PEX11G: variants seen among roughly 807,000 people sequenced by gnomAD.
PEX11G encodes peroxisomal membrane protein 11C.
In PEX11G, 20 loss-of-function variants were observed where a neutral mutation model predicts 22.5. That is an observed-to-expected ratio of 0.89 (90% CI 0.62 to 1.29). The LOEUF is 1.29. Ranked by LOEUF, PEX11G falls within the 50% of genes most tolerant of loss-of-function variation. The pLI is 0.00. For missense variants in PEX11G, 347 were observed against 331.3 expected (o/e 1.05, Z -0.37); for synonymous variants, 141 against 154.5 (o/e 0.91, Z 0.65).
chr19:7,486,116 T>C (rs994061982), intron 1 of PEX11G, 90 bp from the exon 2 acceptor site: 75 of 1,147,734 alleles, frequency 6.5e-5, no homozygotes, highest in South Asian at 6.5e-4. Flanking sequence ...CCCCGCTGGA[T>C]TGAGAGTGTG....
intron 2 of PEX11G, chr19:7,483,279 A>C (rs1246206951): frequency 9.9e-5 from 15 of 151,370 alleles, no homozygotes; most frequent in Admixed American, 9.9e-4. Flanking sequence ...CGGGCTCTGA[A>C]CCTCACTCCA....
upstream of PEX11G, among the ~76,000 whole-genome samples, chr19:7,490,167 T>A (rs555788095): frequency 6.6e-6 from 1 of 151,948 alleles, no homozygotes; most frequent in East Asian, 1.9e-4. Flanking sequence ...CTCAATGTCC[T>A]TTTCCTTCGT....
chr19:7,482,761 C>T (rs1444241963), intron 2 of PEX11G, among the ~76,000 whole-genome samples: 1 of 152,232 alleles, frequency 6.6e-6, no homozygotes, highest in Non-Finnish European at 1.5e-5. Context: ...CCACTGCTGA[C>T]CACGCGCCAG....
In PEX11G at chr19:7,482,087, C is replaced by A. The variant is rs1176177145; in HGVS notation, c.374G>T (p.Trp125Leu). 6.2e-7 allele frequency: 1 copy of A among 1,606,268 alleles called. No homozygotes were observed. The highest frequency in any genetic ancestry group is 8.5e-7 in the Non-Finnish European group (1 of 1,177,322). ...CCACAGGGTTGTACTCAGCGTCCAC[C>A]ACCGAGAAGAGTCCACGTGGAGGAC... Reference protein sequence around the residue: ...ARVLHVDSSRWWTLSTTLWAL... With the variant: ...ARVLHVDSSRLWTLSTTLWAL... The change falls in exon 3 of 5, where the codon TGG becomes TTG. Residue 125 changes from tryptophan to leucine, a missense_variant. By Grantham distance (61) the Trp-to-Leu change is moderately conservative. Transcript: ENST00000221480.
At chr19:7,478,438 C>T (rs949668562) in intron 3 of PEX11G, 62 bp from the exon 4 acceptor site, 44 of 1,523,860 alleles carry the variant, frequency 2.9e-5, no homozygotes, top group Middle Eastern at 1.7e-4. Context: ...AGCTCCACAA[C>T]GCTGGCCCCG....
intron 3 of PEX11G, among the ~76,000 whole-genome samples, chr19:7,478,744 G>A (rs1009343915): frequency 2.0e-5 from 3 of 152,246 alleles, no homozygotes; most frequent in African/African-American, 7.2e-5. Flanking sequence ...TTGGACAGGC[G>A]TGGGGACGCC....
At chr19:7,485,377 A>G (rs1214384454) in intron 2 of PEX11G, among the ~76,000 whole-genome samples, 1 of 150,524 alleles carries the variant, frequency 6.6e-6, no homozygotes, top group Non-Finnish European at 1.5e-5. Context: ...TTTTTTTTAG[A>G]CGGAGTCTCG....
At chr19:7,489,347 C>T (rs1245878290), upstream of PEX11G, 1 of 1,112,252 alleles carries the variant, frequency 9.0e-7, no homozygotes, top group African/African-American at 1.7e-5. Flanking sequence ...AAACCACCAA[C>T]CTGTTCGCAG....
rs775914815 is a variant in PEX11G, at chr19:7,482,106, G to A, written c.355C>T (p.His119Tyr). 2.5e-6 allele frequency: 4 copies of A among 1,602,730 alleles called. No individual in the cohort carries two copies. In the South Asian group the frequency reaches 3.4e-5, roughly 14 times the overall value. The change falls in exon 3 of 5, where the codon CAC becomes TAC. Residue 119 changes from histidine (H) to tyrosine (Y), a missense_variant. By Grantham distance (83) the His-to-Tyr change is moderately conservative (BLOSUM62 2). Coordinates refer to ENST00000221480, the MANE Select transcript of PEX11G (RefSeq NM_080662.4). ...GTCCACCACCGAGAAGAGTCCACGTGGAGGACCCGGGCATCAGCCGCCCAG... is the reference window on the plus strand; with the variant it reads ...GTCCACCACCGAGAAGAGTCCACGTAGAGGACCCGGGCATCAGCCGCCCAG... ...VAWAADARVL[H>Y]VDSSRWWTLS...
chr19:7,488,421 C>T (rs1191435518), intron 1 of PEX11G, among the ~76,000 whole-genome samples: 3 of 152,242 alleles, frequency 2.0e-5, no homozygotes, highest in African/African-American at 4.8e-5. Context: ...ACTTCAGTGG[C>T]CTGGTCGGAT....
chr19:7,482,543 CGGGAATTTTCACA>C (rs963807583), intron 2 of PEX11G, among the ~76,000 whole-genome samples: 1 of 152,212 alleles, frequency 6.6e-6, no homozygotes, highest in East Asian at 1.9e-4. Flanking sequence ...GCCCCAGTAC[CGGGAATTTTCACA>C]GGGAATTTTC....
chr19:7,492,861 C>G (rs969313809), upstream of PEX11G: 12 of 152,248 alleles, frequency 7.9e-5, no homozygotes, highest in African/African-American at 2.9e-4. Flanking sequence ...GCCTCAGGAA[C>G]TTTGCATGTT....
Position 7,482,031 on chromosome 19 carries a change from A to G in PEX11G, c.428+2T>C, listed in dbSNP as rs753116695. The G allele has an allele frequency of 6.3e-7, 1 of 1,590,628 alleles. No individual in the cohort carries two copies. Among genetic ancestry groups the G allele is most frequent in the Non-Finnish European group, 8.5e-7 (1 of 1,169,964 alleles). On this transcript the variant is annotated splice_donor_variant, in intron 3 of 4. Coordinates refer to ENST00000221480, the MANE Select transcript of PEX11G (RefSeq NM_080662.4). LOFTEE classifies it high-confidence loss of function. ...TGCTCCCTTCTGGCCCATGCCACTT[A>G]CCTGGCAACCCCCAGGAGCAGAGAG... is the stretch of plus-strand genomic sequence containing the variant.
At chr19:7,485,802 G>A (rs150429790) in intron 2 of PEX11G, 36 bp downstream of exon 2, 14 of 1,542,798 alleles carry the variant, frequency 9.1e-6, no homozygotes, top group African/African-American at 4.1e-5. Context: ...ACTCAGGTCC[G>A]CACCCTACTC....
upstream of PEX11G, chr19:7,489,375 T>C: frequency 9.5e-7 from 1 of 1,055,012 alleles, no homozygotes; most frequent in Non-Finnish European, 1.1e-6. Context: ...AGGAGAGATT[T>C]TCCTTTTTAG....
upstream of PEX11G, chr19:7,489,137 C>G (rs1459144245): frequency 2.4e-6 from 3 of 1,243,646 alleles, no homozygotes; most frequent in African/African-American, 4.8e-5. Flanking sequence ...CCCTGACCGG[C>G]TTTTTGTCCG....
chr19:7,482,000 C>A, intron 3 of PEX11G, 33 bp downstream of exon 3: 2 of 1,529,114 alleles, frequency 1.3e-6, no homozygotes, highest in Non-Finnish European at 1.8e-6. Flanking sequence ...GCCCAGGGAC[C>A]TTGGGTGCTC....
chr19:7,493,835 G>A (rs1339237066), upstream of PEX11G, among the ~76,000 whole-genome samples: 6 of 126,316 alleles, frequency 4.7e-5, no homozygotes, highest in Admixed American at 1.6e-4. Context: ...GTGAAACCCC[G>A]TCTCAAAAAA....
At chr19:7,481,900 C>T in intron 3 of PEX11G, 133 bp downstream of exon 3, 1 of 904,030 alleles carries the variant, frequency 1.1e-6, no homozygotes, top group Non-Finnish European at 1.6e-6. Context: ...ACAACAAAAC[C>T]TCCAAGGAAA....
Sources: allele counts gnomAD v4.1 joint callset (sites outside exome capture counted in the v4.1 genomes callset), GRCh38; gene constraint gnomAD v4.1.1; transcripts MANE v1.5; gene names NCBI Gene and HGNC (gene_info 2026-07-23, HGNC 2026-07-21).